The following ADGRV1 variants were observed in gnomAD, a reference collection of about 807,000 sequenced individuals.
ADGRV1 encodes adhesion G protein-coupled receptor V1, also known as G-protein coupled receptor 98.
A neutral mutation model predicts 596.2 loss-of-function variants in ADGRV1; 359 were observed. The observed-to-expected ratio is 0.60, with a 90% CI of 0.55 to 0.66. The LOEUF is 0.66. Ranked by LOEUF, ADGRV1 falls within the 30% of genes least tolerant of loss-of-function variation. ADGRV1 has a pLI of 0.00. For synonymous variants in ADGRV1, 2,681 were observed against 2,679.2 expected, an observed-to-expected ratio of 1.00 and a Z score of -0.02; for missense variants, 7,274 against 7,575.6, an observed-to-expected ratio of 0.96 and a Z score of 1.48.
chr5:90,728,891 G>A lies in ADGRV1; in HGVS notation c.10384G>A (p.Ala3462Thr), dbSNP rs1339923203. The change falls in exon 49 of 90, where the codon GCC (alanine) becomes ACC (threonine). Residue 3462 changes from alanine (A) to threonine (T), a missense_variant. This residue lies in a region of ADGRV1 where 3,643 missense variants were observed against 3,809.2 expected (regional missense o/e 0.96). Transcript: ENST00000405460. The part of the protein sequence containing the change: ...GTTEVEALSS[A>T]NDIYLIFAEN... ...AACAGAAGTTGAGGCTTTGTCTTCAGCCAATGATATTTACCTAATATTTGC... is the reference window on the plus strand; with the variant it reads ...AACAGAAGTTGAGGCTTTGTCTTCAACCAATGATATTTACCTAATATTTGC... The A allele has an allele frequency of 6.2e-7, 1 of 1,613,170 alleles. No homozygotes were observed. Among genetic ancestry groups the A allele is most frequent in the Admixed American group, 1.7e-5 (1 of 60,016 alleles).
chr5:90,824,304 G>T (rs1763881929), intron 76 of ADGRV1, among the ~76,000 whole-genome samples: 1 of 152,104 alleles, frequency 6.6e-6, no homozygotes, highest in Non-Finnish European at 1.5e-5. Flanking sequence ...AAATATTCTA[G>T]AGCTGTCTTG....
chr5:90,817,631 T>C (rs1474750792), intron 75 of ADGRV1, among the ~76,000 whole-genome samples: 1 of 152,146 alleles, frequency 6.6e-6, no homozygotes, highest in East Asian at 1.9e-4. Flanking sequence ...TTTCTACATA[T>C]GGCTAGCCAG....
At chr5:90,881,429 C>T (rs908170027) in intron 83 of ADGRV1, among the ~76,000 whole-genome samples, 4 of 151,992 alleles carry the variant, frequency 2.6e-5, no homozygotes, top group Non-Finnish European at 5.9e-5. Context: ...TTATTTAAGC[C>T]CTCATTAAAT....
rs750622149 is a variant in ADGRV1 at position 90,705,570 on chromosome 5, G to C, written c.8557G>C (p.Gly2853Arg). ...TIQLFINREF[G>R]SLGAINVTYT... is the part of the protein sequence containing the mutation. The stretch of plus-strand genomic sequence containing the variant: ...TCAGCTTTTCATCAACAGAGAATTT[G>C]GATCTCTAGGTTTGTGTTACTCTAG... Residue 2853 changes from glycine (G) to arginine (R), a missense_variant, in exon 37 of 90, where the codon GGA becomes CGA. Physicochemically the swap from Gly to Arg is moderately radical, Grantham distance 125. Around this residue, in one of 5 missense-constraint regions of ADGRV1, gnomAD observed 3,643 missense variants for 3,809.2 expected, o/e 0.96. Transcript: ENST00000405460. 1 of 1,613,016 alleles carries C rather than the reference G, an allele frequency of 6.2e-7. No individual in the cohort carries two copies.
chr5:90,964,615 GT>G (rs1393391037), intron 83 of ADGRV1, among the ~76,000 whole-genome samples: 1 of 151,862 alleles, frequency 6.6e-6, no homozygotes, highest in Admixed American at 6.6e-5. Context: ...TATTTATTGA[GT>G]ACCTATCATG....
rs534921376 is a variant in ADGRV1, at chr5:90,897,177, T to C, written c.17856+33320T>C. Among the ~76,000 whole-genome samples, 8 of 152,362 alleles carry C rather than the reference T, an allele frequency of 5.3e-5. No individual in the cohort carries two copies. In the East Asian group the frequency reaches 1.2e-3, roughly 22 times the overall value. Reference sequence around the variant, plus strand: ...AACATCACTGAGCTAGCACAAAGTTTAGCACATTGAATATATACTTACATA... The same window carrying C: ...AACATCACTGAGCTAGCACAAAGTTCAGCACATTGAATATATACTTACATA... On this transcript the variant is annotated intron_variant, in intron 83 of 89. Transcript: ENST00000405460.
In ADGRV1 at chr5:90,805,288, G is replaced by T; in HGVS notation, c.14666G>T (p.Gly4889Val). 1 of 1,609,586 alleles carries T rather than the reference G, an allele frequency of 6.2e-7. No homozygotes were observed. Among genetic ancestry groups the T allele is most frequent in the Non-Finnish European group, 8.5e-7 (1 of 1,176,424 alleles). The change falls in exon 72 of 90, where the codon GGA becomes GTA. Residue 4889 changes from glycine (G) to valine (V), a missense_variant. By Grantham distance (109) the Gly-to-Val change is moderately radical. Coordinates refer to ENST00000405460, the MANE Select transcript of ADGRV1 (RefSeq NM_032119.4). ...VSEKAANSQV[G>V]FESTAFQLMN... ...CTAAGCATGATTTTCCCTCAGGTCG[G>T]ATTTGAATCCACTGCTTTTCAACTC...
Position 90,728,597 on chromosome 5 carries a change from G to A in ADGRV1, c.10162-72G>A, listed in dbSNP as rs773431793. ...AAAGGATCCAAGAGAGTAAACATAT[G>A]GTATTGATTACATTCTTGCAAGTGC... On this transcript the variant is annotated intron_variant, in intron 48 of 89. Coordinates refer to ENST00000405460, the MANE Select transcript of ADGRV1 (RefSeq NM_032119.4). The A allele has an allele frequency of 7.9e-5, 94 of 1,190,758 alleles. No homozygotes were observed. In the Middle Eastern group the frequency reaches 2.0e-3, roughly 25 times the overall value. 73.8% of individuals were successfully genotyped at this position (1,190,758 alleles called of 1,614,324 possible).
chr5:90,693,028 G>A (rs1465613838), intron 32 of ADGRV1, among the ~76,000 whole-genome samples: 1 of 152,010 alleles, frequency 6.6e-6, no homozygotes, highest in African/African-American at 2.4e-5. Context: ...TCTAACCCCA[G>A]AAATGCATTG....
intron 4 of ADGRV1, among the ~76,000 whole-genome samples, chr5:90,619,439 T>G (rs1159632471): frequency 6.6e-6 from 1 of 152,146 alleles, no homozygotes; most frequent in Non-Finnish European, 1.5e-5. Context: ...CCTGACTCCT[T>G]TGTTAACTCT....
chr5:90,742,749 A>G (rs1158989389), intron 50 of ADGRV1, among the ~76,000 whole-genome samples: 1 of 152,178 alleles, frequency 6.6e-6, no homozygotes, highest in African/African-American at 2.4e-5. Context: ...AAGCTTGGAA[A>G]GTGGTAGGTG....
intron 1 of ADGRV1, among the ~76,000 whole-genome samples, chr5:90,578,858 G>A (rs1341865686): frequency 6.6e-6 from 1 of 151,946 alleles, no homozygotes; most frequent in African/African-American, 2.4e-5. Context: ...ATGTGTCCAG[G>A]AATTTATCCA....
rs1466607237 is a variant in ADGRV1, at chr5:90,662,979, TA to T, written c.4752+4702del. On this transcript the variant is annotated intron_variant, in intron 21 of 89. Transcript: ENST00000405460. ...TGGCTGCATAGTATTCCATGGTGTATATGTGCCACATTTTCTTAATCCAGTC... is the reference window on the plus strand; with the variant it reads ...TGGCTGCATAGTATTCCATGGTGTATTGTGCCACATTTTCTTAATCCAGTC... Among the ~76,000 whole-genome samples the T allele has an allele frequency of 4.7e-5, 7 of 150,278 alleles. No individual in the cohort carries two copies. In the South Asian group the frequency reaches 1.1e-3, roughly 23 times the overall value.
intron 85 of ADGRV1, among the ~76,000 whole-genome samples, chr5:91,041,494 G>C (rs1438839770): frequency 6.6e-6 from 1 of 152,006 alleles, no homozygotes; most frequent in Non-Finnish European, 1.5e-5. Flanking sequence ...CGAGGGGTGG[G>C]GAGCTAGGGG....
At chr5:90,961,308 G>C (rs898073745) in intron 83 of ADGRV1, among the ~76,000 whole-genome samples, 3 of 151,984 alleles carry the variant, frequency 2.0e-5, no homozygotes, top group Non-Finnish European at 4.4e-5. Context: ...AGACCATCCT[G>C]GCTAACACGA....
chr5:90,945,575 G>C (rs962785669), intron 83 of ADGRV1, among the ~76,000 whole-genome samples: 8 of 152,148 alleles, frequency 5.3e-5, no homozygotes, highest in African/African-American at 1.9e-4. Flanking sequence ...CTGAGGGAGG[G>C]TACTAGATGA....
chr5:90,833,992 TAACA>T (rs918914214), intron 77 of ADGRV1, among the ~76,000 whole-genome samples: 2 of 152,196 alleles, frequency 1.3e-5, no homozygotes, highest in Non-Finnish European at 2.9e-5. Context: ...ACAAGTGAAC[TAACA>T]AACAAGCAAA....
At chr5:90,965,837 A>G (rs540558639) in intron 84 of ADGRV1, among the ~76,000 whole-genome samples, 1 of 152,342 alleles carries the variant, frequency 6.6e-6, no homozygotes, top group South Asian at 2.1e-4. Context: ...GAAAAGTAAT[A>G]GAATGATTTT....
intron 21 of ADGRV1, among the ~76,000 whole-genome samples, chr5:90,660,563 C>T (rs2149488198): frequency 6.6e-6 from 1 of 152,166 alleles, no homozygotes. Flanking sequence ...TTTCTGAATG[C>T]AATAGAGACC....
Sources: allele counts gnomAD v4.1 joint callset (sites outside exome capture counted in the v4.1 genomes callset), GRCh38; gene constraint gnomAD v4.1.1; regional missense constraint gnomAD v4.1.1; transcripts MANE v1.5; gene names NCBI Gene and HGNC (gene_info 2026-07-23, HGNC 2026-07-21).